LRP1B: variants seen among roughly 807,000 people sequenced by gnomAD.
LRP1B encodes low-density lipoprotein receptor-related protein 1B.
Under a neutral mutation model 556.6 loss-of-function variants are expected in LRP1B, and 217 were observed. The observed-to-expected ratio is 0.39, with a 90% confidence interval of 0.35 to 0.44. LRP1B has a LOEUF of 0.44. Ranked by LOEUF, LRP1B falls within the 20% of genes least tolerant of loss-of-function variation. The probability of loss-of-function intolerance (pLI) is 1.00; values close to 1 mark genes in which losing one functional copy is unlikely to be tolerated. For synonymous variants in LRP1B, 2,047 were observed against 1,865.8 expected (o/e 1.10, Z -2.50); for missense variants, 5,053 against 5,620.8 (o/e 0.90, Z 3.23).
intron 47 of LRP1B, among the ~76,000 whole-genome samples, chr2:140,529,445 G>T: frequency 6.9e-6 from 1 of 144,142 alleles, no homozygotes. Flanking sequence ...GGGGGGGGAA[G>T]CATTAAGTTT....
chr2:140,819,324 C>T (rs1691239409), intron 31 of LRP1B, among the ~76,000 whole-genome samples: 1 of 152,134 alleles, frequency 6.6e-6, no homozygotes, highest in Non-Finnish European at 1.5e-5. Context: ...TTATGTACTT[C>T]ATTCATAATC....
intron 3 of LRP1B, among the ~76,000 whole-genome samples, chr2:141,448,896 A>C (rs754529287): frequency 7.9e-5 from 12 of 152,264 alleles, no homozygotes; most frequent in Non-Finnish European, 1.6e-4. Flanking sequence ...TTCCATCTTC[A>C]GAGTTCAAGA....
chr2:140,998,560 G>A (rs958762920), intron 15 of LRP1B, among the ~76,000 whole-genome samples: 1 of 152,004 alleles, frequency 6.6e-6, no homozygotes, highest in Non-Finnish European at 1.5e-5. Flanking sequence ...ATCATTTCTA[G>A]TTGTGAGAGG....
chr2:140,603,605 A>G (rs947791285), intron 41 of LRP1B, among the ~76,000 whole-genome samples: 2 of 152,152 alleles, frequency 1.3e-5, no homozygotes, highest in African/African-American at 2.4e-5. Flanking sequence ...CAATTCAGGA[A>G]GAAAACACTT....
intron 43 of LRP1B, among the ~76,000 whole-genome samples, chr2:140,577,038 AGATGTTGCATACAAATAAAAAC>A (rs151003161): frequency 0.043 from 6,550 of 152,188 alleles, 217 homozygotes; most frequent in Middle Eastern, 0.14. Flanking sequence ...AGTGGACAAA[AGATGTTGCATACAAATAAAAAC>A]ATTACCACAC....
At chr2:140,242,159 T>A (rs1680975435) in intron 87 of LRP1B, among the ~76,000 whole-genome samples, 2 of 151,144 alleles carry the variant, frequency 1.3e-5, no homozygotes, top group African/African-American at 2.4e-5. Flanking sequence ...TACCAACATA[T>A]GCTCAGGCAC....
intron 7 of LRP1B, among the ~76,000 whole-genome samples, chr2:141,113,210 G>T (rs971790878): frequency 2.0e-5 from 3 of 152,040 alleles, no homozygotes; most frequent in African/African-American, 7.2e-5. Flanking sequence ...GAAATTGCTG[G>T]CAAGAAAAAA....
intron 2 of LRP1B, among the ~76,000 whole-genome samples, chr2:141,716,240 T>TA (rs1337252159): frequency 2.0e-5 from 3 of 152,204 alleles, no homozygotes; most frequent in African/African-American, 7.2e-5. Context: ...ACAGAAGCTA[T>TA]AAAGGGCATT....
intron 6 of LRP1B, among the ~76,000 whole-genome samples, chr2:141,213,818 G>A (rs954660553): frequency 1.3e-5 from 2 of 151,444 alleles, no homozygotes; most frequent in Non-Finnish European, 2.9e-5. Context: ...ATTTTTTACT[G>A]GTTTTTTTTT....
At chr2:142,112,448 A>T (rs1298681368) in intron 1 of LRP1B, among the ~76,000 whole-genome samples, 1 of 152,108 alleles carries the variant, frequency 6.6e-6, no homozygotes, top group East Asian at 1.9e-4. Flanking sequence ...TTAAAAAGCC[A>T]TAAAAGATAG....
At chr2:141,248,057 A>G (rs1684131797) in intron 4 of LRP1B, among the ~76,000 whole-genome samples, 1 of 152,116 alleles carries the variant, frequency 6.6e-6, no homozygotes, top group South Asian at 2.1e-4. Flanking sequence ...AAAATGCAAA[A>G]ATTAGCCAGG....
At chr2:140,722,343 C>A (rs1687432388) in intron 35 of LRP1B, among the ~76,000 whole-genome samples, 1 of 152,152 alleles carries the variant, frequency 6.6e-6, no homozygotes, top group Non-Finnish European at 1.5e-5. Flanking sequence ...CTACTGGATA[C>A]CTACCCGGAG....
At chr2:141,538,831 G>C (rs116118257) in intron 2 of LRP1B, among the ~76,000 whole-genome samples, 123 of 152,018 alleles carry the variant, frequency 8.1e-4, no homozygotes, top group Non-Finnish European at 1.0e-3. Context: ...TACAGACAAG[G>C]TTTCCTCATG....
At chr2:140,868,002 T>C in intron 26 of LRP1B, 97 bp downstream of exon 26, 2 of 1,333,076 alleles carry the variant, frequency 1.5e-6, no homozygotes, top group South Asian at 3.4e-5. Context: ...AATTTTAATA[T>C]ATGTATACAT....
chr2:141,926,077 T>C (rs1700327766), intron 1 of LRP1B, among the ~76,000 whole-genome samples: 1 of 152,230 alleles, frequency 6.6e-6, no homozygotes, highest in Non-Finnish European at 1.5e-5. Context: ...TGATGTCATC[T>C]TGATATACAA....
intron 1 of LRP1B, among the ~76,000 whole-genome samples, chr2:141,944,370 A>G (rs1368967105): frequency 3.9e-5 from 6 of 152,204 alleles, no homozygotes; most frequent in African/African-American, 1.4e-4. Context: ...CCAGACCTTG[A>G]CAATACTACC....
intron 5 of LRP1B, among the ~76,000 whole-genome samples, chr2:141,232,821 AACTGTGGTTT>A (rs201532040): frequency 0.015 from 2,288 of 152,274 alleles, 33 homozygotes; most frequent in Middle Eastern, 0.031. Context: ...GCTAATTACT[AACTGTGGTTT>A]ACCTCTTTAG....
intron 43 of LRP1B, among the ~76,000 whole-genome samples, chr2:140,543,927 G>A (rs887024790): frequency 6.6e-6 from 1 of 151,870 alleles, no homozygotes; most frequent in Non-Finnish European, 1.5e-5. Context: ...ATTTACAATA[G>A]CCTCTACAAA....
At chr2:140,438,982 C>T (rs1410873206) in intron 66 of LRP1B, among the ~76,000 whole-genome samples, 2 of 152,066 alleles carry the variant, frequency 1.3e-5, no homozygotes, top group African/African-American at 4.8e-5. Flanking sequence ...ATTCAGAGAA[C>T]TAAGAATCTA....
Sources: gnomAD v4.1 joint callset for allele counts (sites outside exome capture counted in the v4.1 genomes callset) on GRCh38, gnomAD v4.1.1 for gene constraint, MANE v1.5 for transcripts, NCBI Gene and HGNC (gene_info 2026-07-23, HGNC 2026-07-21) for gene names.